The following CLYBL variants were observed in gnomAD, a reference collection of about 807,000 sequenced individuals.
CLYBL encodes citramalyl-CoA lyase, also known as citramalyl-CoA lyase, mitochondrial.
A neutral mutation model predicts 38.9 loss-of-function variants in CLYBL; 31 were observed. The observed-to-expected ratio is 0.80, with a 90% CI of 0.60 to 1.08. The LOEUF (loss-of-function observed/expected upper bound fraction) is 1.08. Ranked by LOEUF, CLYBL falls within the 50% of genes least tolerant of loss-of-function variation. The pLI, the probability that CLYBL is intolerant of heterozygous loss-of-function variation, is 0.00. For synonymous variants in CLYBL, 171 were observed against 158.6 expected, an observed-to-expected ratio of 1.08 and a Z score of -0.59; for missense variants, 434 against 411.6, an observed-to-expected ratio of 1.05 and a Z score of -0.47.
chr13:99,780,272 T>C lies in CLYBL; in HGVS notation c.249+7262T>C, dbSNP rs146388692. Among the ~76,000 whole-genome samples the C allele has an allele frequency of 8.2e-3, 1,244 of 152,320 alleles. 22 individuals are homozygous for C. Among genetic ancestry groups the C allele is most frequent in the African/African-American group, 0.028 (1,179 of 41,570 alleles). On this transcript the variant is annotated intron_variant, in intron 2 of 8. Transcript: ENST00000339105. ...TACAGCAACATCAACTTTCCTTAGG[T>C]TGGCATTTGCTCAGTGTAACATTTT...
intron 1 of CLYBL, among the ~76,000 whole-genome samples, chr13:99,738,257 A>G (rs1318564055): frequency 1.3e-5 from 2 of 152,224 alleles, no homozygotes; most frequent in Non-Finnish European, 2.9e-5. Context: ...AAATTGGTTA[A>G]AAGTATTTCT....
At chr13:99,729,235 T>A (rs1366960497) in intron 1 of CLYBL, among the ~76,000 whole-genome samples, 1 of 152,260 alleles carries the variant, frequency 6.6e-6, no homozygotes, top group Admixed American at 6.5e-5. Context: ...GTGTTATGCC[T>A]GACACATTGT....
At chr13:99,627,541 T>C (rs937834753) in intron 1 of CLYBL, among the ~76,000 whole-genome samples, 3 of 152,222 alleles carry the variant, frequency 2.0e-5, no homozygotes, top group Non-Finnish European at 2.9e-5. Flanking sequence ...TGTTGGGTTT[T>C]GAAGTCTTTT....
intron 1 of CLYBL, among the ~76,000 whole-genome samples, chr13:99,766,037 A>C (rs969405794): frequency 5.3e-5 from 8 of 151,428 alleles, no homozygotes; most frequent in Non-Finnish European, 8.8e-5. Context: ...TTTTTTGTAG[A>C]GAGGGGGGTC....
intron 1 of CLYBL, among the ~76,000 whole-genome samples, chr13:99,695,725 G>C (rs1433819187): frequency 1.3e-5 from 2 of 151,992 alleles, no homozygotes; most frequent in African/African-American, 4.8e-5. Flanking sequence ...CACCATGTTG[G>C]CCAGGCTGGT....
intron 2 of CLYBL, 130 bp downstream of exon 2, chr13:99,773,140 G>T: frequency 1.3e-6 from 1 of 755,074 alleles, no homozygotes; most frequent in Non-Finnish European, 2.2e-6. Flanking sequence ...ACAATTCTTT[G>T]ATCTGCTTTT....
chr13:99,850,985 G>A (rs1566353537), intron 2 of CLYBL, among the ~76,000 whole-genome samples: 1 of 152,226 alleles, frequency 6.6e-6, no homozygotes, highest in Non-Finnish European at 1.5e-5. Context: ...CATGGGTACA[G>A]AAAGTAAATT....
chr13:99,671,462 C>T (rs937837631), intron 1 of CLYBL, among the ~76,000 whole-genome samples: 2 of 151,986 alleles, frequency 1.3e-5, no homozygotes, highest in Non-Finnish European at 2.9e-5. Flanking sequence ...AAGGGAGAGA[C>T]TGAAACAGAA....
chr13:99,864,842 G>C lies in CLYBL; in HGVS notation c.565G>C (p.Val189Leu), dbSNP rs1418964021. The change falls in exon 5 of 9, where the codon GTC becomes CTC. Residue 189 changes from valine (V) to leucine (L), a missense_variant. Physicochemically the swap from Val to Leu is conservative, Grantham distance 32 (BLOSUM62 1). Coordinates refer to ENST00000339105, the MANE Select transcript of CLYBL (RefSeq NM_206808.5). ...GGCAGTGTGTGAAGAAACCCTGAAG[G>C]TCGGGCCTCAAGTAGGTCTCTTTCT... ...FKAVCEETLK[V>L]GPQVGLFLDA... 1 of 1,613,906 alleles carries C rather than the reference G, an allele frequency of 6.2e-7. No individual in the cohort carries two copies. Among genetic ancestry groups the C allele is most frequent in the African/African-American group, 1.3e-5 (1 of 74,986 alleles).
chr13:99,785,876 G>A (rs1227800208), intron 2 of CLYBL, among the ~76,000 whole-genome samples: 12 of 152,028 alleles, frequency 7.9e-5, no homozygotes, highest in Admixed American at 7.9e-4. Flanking sequence ...GATTACAGGC[G>A]TGAGCCACTG....
At chr13:99,646,389 G>A (rs1041518497) in intron 1 of CLYBL, among the ~76,000 whole-genome samples, 1 of 152,064 alleles carries the variant, frequency 6.6e-6, no homozygotes, top group East Asian at 1.9e-4. Context: ...ATGAGGATGT[G>A]TGTCCAAAGG....
intron 1 of CLYBL, among the ~76,000 whole-genome samples, chr13:99,749,004 C>T (rs896358064): frequency 3.9e-5 from 6 of 151,960 alleles, no homozygotes; most frequent in African/African-American, 1.4e-4. Flanking sequence ...CATGGTGAAA[C>T]CCCACCTCTA....
chr13:99,828,637 A>G (rs2050745099), intron 2 of CLYBL, among the ~76,000 whole-genome samples: 1 of 152,204 alleles, frequency 6.6e-6, no homozygotes, highest in Admixed American at 6.5e-5. Flanking sequence ...GGCTATTGCT[A>G]AGTGCGTCCC....
chr13:99,880,843 G>T (rs1252328462), intron 7 of CLYBL, among the ~76,000 whole-genome samples: 1 of 152,216 alleles, frequency 6.6e-6, no homozygotes, highest in East Asian at 1.9e-4. Context: ...GGACGGGAGG[G>T]ATAAAGAGGA....
intron 1 of CLYBL, among the ~76,000 whole-genome samples, chr13:99,637,983 A>G (rs1303070230): frequency 6.4e-4 from 11 of 17,292 alleles, no homozygotes; most frequent in African/African-American, 3.3e-3. Context: ...TTTTTTTTTG[A>G]GACAAGGTCT....
intron 2 of CLYBL, among the ~76,000 whole-genome samples, chr13:99,792,063 G>T (rs537265308): frequency 6.6e-6 from 1 of 152,340 alleles, no homozygotes; most frequent in South Asian, 2.1e-4. Flanking sequence ...ATCTGAGAAA[G>T]ATGTTACTTA....
At chr13:99,902,027 T>C (rs2052649956), downstream of CLYBL, among the ~76,000 whole-genome samples, 1 of 152,186 alleles carries the variant, frequency 6.6e-6, no homozygotes, top group African/African-American at 2.4e-5. Context: ...GATCTGCAAA[T>C]TGGTGATTGA....
intron 1 of CLYBL, among the ~76,000 whole-genome samples, chr13:99,643,647 T>C (rs921909171): frequency 6.6e-6 from 1 of 152,216 alleles, no homozygotes; most frequent in Non-Finnish European, 1.5e-5. Context: ...TGGTGTTTTA[T>C]GTTGTGGGTC....
chr13:99,630,696 A>G (rs1045731736), intron 1 of CLYBL, among the ~76,000 whole-genome samples: 1 of 151,760 alleles, frequency 6.6e-6, no homozygotes, highest in African/African-American at 2.4e-5. Flanking sequence ...TTTGCCCTGT[A>G]TTGTTGATCT....
Sources: allele counts gnomAD v4.1 joint callset (sites outside exome capture counted in the v4.1 genomes callset), GRCh38; gene constraint gnomAD v4.1.1; transcripts MANE v1.5; gene names NCBI Gene and HGNC (gene_info 2026-07-23, HGNC 2026-07-21).